Variants in ADAM10 observed in about 807,000 individuals in gnomAD.
The protein encoded by ADAM10 is ADAM metallopeptidase domain 10, also known as disintegrin and metalloproteinase domain-containing protein 10.
In ADAM10, 17 loss-of-function variants were observed where a neutral mutation model predicts 90.1. That is an observed-to-expected ratio of 0.19 (90% CI 0.13 to 0.28). The LOEUF is 0.28. Ranked by LOEUF, ADAM10 falls within the 10% of genes least tolerant of loss-of-function variation. The pLI, the probability that ADAM10 is intolerant of heterozygous loss-of-function variation, is 1.00. For synonymous variants in ADAM10, 310 were observed against 298.6 expected (o/e 1.04, Z -0.40); for missense variants, 610 against 914.3 (o/e 0.67, Z 4.29).
chr15:58,668,619 T>TC (rs35581767), intron 4 of ADAM10, among the ~76,000 whole-genome samples: 23,065 of 151,920 alleles, frequency 0.15, 2,043 homozygotes, highest in East Asian at 0.44. Flanking sequence ...TTCCTAAATC[T>TC]CCCTAAAGCT....
intron 1 of ADAM10, among the ~76,000 whole-genome samples, chr15:58,725,465 G>A (rs1898999693): frequency 6.6e-6 from 1 of 151,252 alleles, no homozygotes; most frequent in South Asian, 2.1e-4. Context: ...AGGTTCGCTT[G>A]AGCCCAGGAG....
In ADAM10 at chr15:58,736,762, G is replaced by A. The variant is rs147596200; in HGVS notation, c.55+12718C>T. 1.0e-3 allele frequency among the ~76,000 whole-genome samples: 154 copies of A among 151,864 alleles called. 1 individual carries two copies. Among genetic ancestry groups the A allele is most frequent in the Admixed American group, 2.4e-3 (36 of 15,252 alleles). ...ATTAAAAAAAGAAACACAGTATATC[G>A]AAAAAAGCCTCTATGTAAAACTGCC... On this transcript the variant is annotated intron_variant, in intron 1 of 15. Transcript: ENST00000260408.
At chr15:58,710,907 A>G (rs1399035580) in intron 2 of ADAM10, among the ~76,000 whole-genome samples, 1 of 152,236 alleles carries the variant, frequency 6.6e-6, no homozygotes, top group Non-Finnish European at 1.5e-5. Context: ...GACTCATGAT[A>G]TAACAGAGAT....
intron 1 of ADAM10, among the ~76,000 whole-genome samples, chr15:58,718,956 C>T (rs938975201): frequency 2.0e-5 from 3 of 152,206 alleles, no homozygotes; most frequent in Non-Finnish European, 4.4e-5. Context: ...AGGCAGAAAG[C>T]TGGCACAATC....
intron 14 of ADAM10, among the ~76,000 whole-genome samples, chr15:58,604,533 T>A (rs1306165404): frequency 6.6e-6 from 1 of 152,140 alleles, no homozygotes; most frequent in Non-Finnish European, 1.5e-5. Flanking sequence ...TCCTATTACC[T>A]CAGTACCTAC....
intron 4 of ADAM10, among the ~76,000 whole-genome samples, chr15:58,671,726 T>A (rs536320747): frequency 5.9e-5 from 9 of 152,292 alleles, no homozygotes; most frequent in African/African-American, 1.2e-4. Context: ...ATATATATAT[T>A]TTTTAAAGTG....
At chr15:58,597,766 A>G (rs1427769935) in intron 15 of ADAM10, 125 bp from the exon 16 acceptor site, 4 of 938,922 alleles carry the variant, frequency 4.3e-6, no homozygotes, top group Admixed American at 3.0e-5. Context: ...TGGGCCATCA[A>G]TGTAATTTAA....
At chr15:58,607,449 A>G (rs1321684589) in intron 14 of ADAM10, among the ~76,000 whole-genome samples, 1 of 152,230 alleles carries the variant, frequency 6.6e-6, no homozygotes, top group East Asian at 1.9e-4. Flanking sequence ...TCTTCTCACA[A>G]ATCTCCAAGA....
intron 14 of ADAM10, among the ~76,000 whole-genome samples, chr15:58,604,757 CTCTTT>C (rs1895220879): frequency 6.6e-6 from 1 of 151,690 alleles, no homozygotes; most frequent in East Asian, 1.9e-4. Context: ...TCTTTTTTTT[CTCTTT>C]TAAGAGACAG....
intron 12 of ADAM10, chr15:58,611,333 A>T: frequency 2.0e-6 from 1 of 511,758 alleles, no homozygotes. Flanking sequence ...AAGCAATGGC[A>T]ACTTAAAAAA....
At chr15:58,748,265 A>C (rs1366931122) in intron 1 of ADAM10, 1 of 152,270 alleles carries the variant, frequency 6.6e-6, no homozygotes, top group African/African-American at 2.4e-5. Flanking sequence ...TGCAGTCATA[A>C]GTCAAAGTGG....
intron 5 of ADAM10, among the ~76,000 whole-genome samples, chr15:58,655,942 T>G (rs1292605905): frequency 6.6e-6 from 1 of 151,196 alleles, no homozygotes; most frequent in African/African-American, 2.4e-5. Context: ...AGACAGGATT[T>G]CGCCATGTTG....
intron 1 of ADAM10, 29 bp from the exon 2 acceptor site, chr15:58,717,756 A>C (rs1898711573): frequency 6.2e-7 from 1 of 1,601,172 alleles, no homozygotes; most frequent in South Asian, 1.1e-5. Flanking sequence ...ATTCTGAATT[A>C]GTATCATCTT....
At chr15:58,635,973 C>T (rs771593646) in intron 8 of ADAM10, among the ~76,000 whole-genome samples, 4 of 151,992 alleles carry the variant, frequency 2.6e-5, no homozygotes, top group African/African-American at 7.2e-5. Flanking sequence ...TTATGATTAT[C>T]GCTTATATGA....
chr15:58,689,954 A>AGCCC (rs768784057), intron 2 of ADAM10, among the ~76,000 whole-genome samples: 2 of 117,628 alleles, frequency 1.7e-5, no homozygotes, highest in African/African-American at 3.3e-5. Context: ...ACCCCCCCCA[A>AGCCC]AAAAAAAAAA....
intron 3 of ADAM10, among the ~76,000 whole-genome samples, chr15:58,679,882 T>G (rs1897382843): frequency 6.6e-6 from 1 of 152,124 alleles, no homozygotes; most frequent in African/African-American, 2.4e-5. Flanking sequence ...AACTCCAGCC[T>G]GGGTGACAAG....
chr15:58,651,524 G>A (rs1400925889), intron 5 of ADAM10, among the ~76,000 whole-genome samples: 1 of 152,134 alleles, frequency 6.6e-6, no homozygotes, highest in East Asian at 1.9e-4. Flanking sequence ...GTCTTTCTGT[G>A]CCTAGCTTAT....
intron 2 of ADAM10, among the ~76,000 whole-genome samples, chr15:58,714,157 T>C (rs1405696502): frequency 6.6e-6 from 1 of 152,162 alleles, no homozygotes; most frequent in Non-Finnish European, 1.5e-5. Context: ...CGTTTCTTCA[T>C]TTAACAGTAA....
intron 2 of ADAM10, among the ~76,000 whole-genome samples, chr15:58,693,857 A>C (rs1167118033): frequency 1.3e-5 from 2 of 152,090 alleles, no homozygotes; most frequent in East Asian, 1.9e-4. Flanking sequence ...CTTTTTAAAA[A>C]CCTCTTACAA....
Sources: gnomAD v4.1 joint callset for allele counts (sites outside exome capture counted in the v4.1 genomes callset) on GRCh38, gnomAD v4.1.1 for gene constraint, MANE v1.5 for transcripts, NCBI Gene and HGNC (gene_info 2026-07-23, HGNC 2026-07-21) for gene names.